SHOC2: variants seen among roughly 807,000 people sequenced by gnomAD.
The protein encoded by SHOC2 is SHOC2 leucine rich repeat scaffold protein, also known as leucine-rich repeat protein SHOC-2.
In SHOC2, 4 loss-of-function variants were observed where a neutral mutation model predicts 50.2. That is an observed-to-expected ratio of 0.08 (90% CI 0.04 to 0.18). SHOC2 has a LOEUF of 0.18. SHOC2 is among the 10% of genes least tolerant of loss of function. SHOC2 has a pLI of 1.00. For missense variants in SHOC2, 388 were observed against 669.6 expected, an observed-to-expected ratio of 0.58 and a Z score of 4.64; for synonymous variants, 218 against 244.5, an observed-to-expected ratio of 0.89 and a Z score of 1.01.
intron 5 of SHOC2, among the ~76,000 whole-genome samples, chr10:111,005,985 C>A (rs1848459156): frequency 6.6e-6 from 1 of 152,114 alleles, no homozygotes; most frequent in Admixed American, 6.5e-5. Flanking sequence ...ATTCAAGATA[C>A]TCATACAGTT....
intron 1 of SHOC2, chr10:110,951,859 T>C (rs1341163519): frequency 6.6e-6 from 1 of 152,284 alleles, no homozygotes; most frequent in East Asian, 1.9e-4. Flanking sequence ...GATTTCACCA[T>C]GTTGGCCAAG....
Position 111,011,779 on chromosome 10 carries a change from G to T in SHOC2, c.1710G>T (p.Gln570His), listed in dbSNP as rs1490073811. The change falls in exon 9 of 9, where the codon CAG becomes CAT. Residue 570 changes from glutamine to histidine, a missense_variant. Physicochemically the swap from Gln to His is conservative, Grantham distance 24 (BLOSUM62 0). Coordinates refer to ENST00000369452, the MANE Select transcript of SHOC2 (RefSeq NM_007373.4). ...IVAGGPSFII[Q>H]FLKMQGPYRA... Reference sequence around the variant, plus strand: ...CTGGGGGGCCTTCTTTCATCATTCAGTTCTTAAAGATGCAGGGTCCATATC... The same window carrying T: ...CTGGGGGGCCTTCTTTCATCATTCATTTCTTAAAGATGCAGGGTCCATATC... 6.2e-7 allele frequency: 1 copy of T among 1,613,806 alleles called. No individual in the cohort carries two copies. The highest frequency in any genetic ancestry group is 1.3e-5 in the African/African-American group (1 of 74,862).
intron 3 of SHOC2, chr10:110,988,864 TG>T: frequency 2.2e-6 from 1 of 458,128 alleles, no homozygotes; most frequent in South Asian, 1.6e-5. Context: ...TCTGATATGT[TG>T]TATTTTCCTT....
At chr10:110,929,127 T>C (rs1846837590) in intron 1 of SHOC2, among the ~76,000 whole-genome samples, 1 of 152,224 alleles carries the variant, frequency 6.6e-6, no homozygotes, top group African/African-American at 2.4e-5. Flanking sequence ...TAATTGAAGT[T>C]TTCTTATATT....
chr10:110,939,312 G>A (rs932062682), intron 1 of SHOC2, among the ~76,000 whole-genome samples: 3 of 152,050 alleles, frequency 2.0e-5, no homozygotes, highest in Admixed American at 6.6e-5. Flanking sequence ...CCTATCTCTT[G>A]GGTCAAGCCA....
chr10:111,011,403 A>G (rs1848563150), intron 8 of SHOC2, among the ~76,000 whole-genome samples: 1 of 152,162 alleles, frequency 6.6e-6, no homozygotes, highest in African/African-American at 2.4e-5. Flanking sequence ...TGTGACCTGG[A>G]CATATAGGAG....
At chr10:110,925,506 G>A (rs988211148) in intron 1 of SHOC2, among the ~76,000 whole-genome samples, 1 of 152,130 alleles carries the variant, frequency 6.6e-6, no homozygotes, top group African/African-American at 2.4e-5. Context: ...CCAGACTAGA[G>A]TGCAGTGGCA....
chr10:110,929,864 A>G lies in SHOC2; in HGVS notation c.-235+10207A>G, dbSNP rs377300041. On this transcript the variant is annotated intron_variant, in intron 1 of 8. Coordinates refer to ENST00000369452, the MANE Select transcript of SHOC2 (RefSeq NM_007373.4). ...AGCAGGATTATATTCACAAGATAGT[A>G]GTTAATACATACCAGTTGGGAATTG... Among the ~76,000 whole-genome samples the G allele has an allele frequency of 3.2e-3, 488 of 152,366 alleles. 26 individuals carry two copies. In the South Asian group the frequency reaches 0.093, roughly 29 times the overall value.
At chr10:111,007,286 A>G (rs918591602) in intron 5 of SHOC2, among the ~76,000 whole-genome samples, 2 of 152,144 alleles carry the variant, frequency 1.3e-5, no homozygotes, top group African/African-American at 2.4e-5. Flanking sequence ...GTGTTTTTCT[A>G]TTTCCATTAT....
chr10:110,951,567 T>G (rs1444623422), intron 1 of SHOC2: 1 of 152,202 alleles, frequency 6.6e-6, no homozygotes, highest in South Asian at 2.1e-4. Context: ...GAAATGAAAT[T>G]ATTATATTGT....
chr10:110,976,574 A>C (rs1455774304), intron 2 of SHOC2, among the ~76,000 whole-genome samples: 2 of 152,090 alleles, frequency 1.3e-5, no homozygotes, highest in Non-Finnish European at 2.9e-5. Flanking sequence ...AGCCTCCCAG[A>C]ATGTTGGGAT....
chr10:111,004,251 T>C (rs1848430448), intron 4 of SHOC2, among the ~76,000 whole-genome samples: 1 of 152,210 alleles, frequency 6.6e-6, no homozygotes, highest in Non-Finnish European at 1.5e-5. Flanking sequence ...GTTTCTGCAA[T>C]GTAGAAGTTT....
intron 2 of SHOC2, 27 bp from the exon 3 acceptor site, chr10:110,985,601 T>G (rs747498075): frequency 8.9e-6 from 14 of 1,567,052 alleles, no homozygotes; most frequent in Non-Finnish European, 1.2e-5. Context: ...TAATGCTTAT[T>G]GAATTTTTAT....
intron 1 of SHOC2, among the ~76,000 whole-genome samples, chr10:110,950,425 A>G (rs570015944): frequency 6.6e-6 from 1 of 152,324 alleles, no homozygotes; most frequent in South Asian, 2.1e-4. Flanking sequence ...AAGAATTAAT[A>G]TTATTAAAAT....
chr10:111,004,725 C>T lies in SHOC2; in HGVS notation c.1092C>T (p.His364=), dbSNP rs748214044. ...FSTIYSLNME[H]NRINKIPFGI... is the part of the protein sequence containing the mutation. ...CCATCTATTCCCTCAACATGGAACACAATCGAATCAACAAAATTCCATTTG... is the reference window on the plus strand; with the variant it reads ...CCATCTATTCCCTCAACATGGAACATAATCGAATCAACAAAATTCCATTTG... Residue 364 remains histidine, a synonymous_variant, in exon 5 of 9, where the codon CAC becomes CAT. Transcript: ENST00000369452. 6 of 1,613,452 alleles carry T rather than the reference C, an allele frequency of 3.7e-6. No individual in the cohort carries two copies. The highest frequency in any genetic ancestry group is 3.3e-5 in the South Asian group (3 of 91,074).
chr10:110,985,786 T>G, intron 3 of SHOC2, 21 bp downstream of exon 3: 2 of 1,604,854 alleles, frequency 1.2e-6, no homozygotes, highest in Non-Finnish European at 1.7e-6. Flanking sequence ...AGAAAGGAGA[T>G]ATTGATAGCT....
At chr10:111,007,023 G>A (rs1333804245) in intron 5 of SHOC2, among the ~76,000 whole-genome samples, 1 of 152,090 alleles carries the variant, frequency 6.6e-6, no homozygotes, top group Admixed American at 6.5e-5. Flanking sequence ...TACCTGATTA[G>A]TGTTTTAATG....
At chr10:111,008,443 T>G (rs2134178899) in intron 6 of SHOC2, among the ~76,000 whole-genome samples, 1 of 152,064 alleles carries the variant, frequency 6.6e-6, no homozygotes, top group Middle Eastern at 3.4e-3. Flanking sequence ...TGTAATTATC[T>G]CTGTATATTT....
At chr10:110,946,456 G>C (rs1248521858) in intron 1 of SHOC2, among the ~76,000 whole-genome samples, 5 of 150,688 alleles carry the variant, frequency 3.3e-5, no homozygotes, top group East Asian at 3.9e-4. Context: ...ATAGAGGAGA[G>C]GGAGATGATA....
Sources: gnomAD v4.1 joint callset for allele counts (sites outside exome capture counted in the v4.1 genomes callset) on GRCh38, gnomAD v4.1.1 for gene constraint, MANE v1.5 for transcripts, NCBI Gene and HGNC (gene_info 2026-07-23, HGNC 2026-07-21) for gene names.